DOP1B: variants seen among roughly 807,000 people sequenced by gnomAD.
DOP1B encodes the protein protein DOP1B.
In DOP1B, 174 loss-of-function variants were observed where a neutral mutation model predicts 233.5. That is an observed-to-expected ratio of 0.75 (90% CI 0.66 to 0.85). DOP1B has a LOEUF of 0.85. DOP1B is among the 40% of genes least tolerant of loss of function. DOP1B has a pLI of 0.00. For missense variants in DOP1B, 2,652 were observed against 2,846.6 expected, an observed-to-expected ratio of 0.93 and a Z score of 1.56; for synonymous variants, 1,190 against 1,185.6, an observed-to-expected ratio of 1.00 and a Z score of -0.08.
rs1569074075 is a variant in DOP1B at position 36,289,288 on chromosome 21, G to A, written c.6515+82G>A. ...TTAAGCACTTTCACTTGTTTTTCAT[G>A]TACAGTTTATGGGAAACCACCATCT... On this transcript the variant is annotated intron_variant, in intron 35 of 36. Coordinates refer to ENST00000691173, the MANE Select transcript of DOP1B (RefSeq NM_001320714.2). 4 of 1,441,082 alleles carry A rather than the reference G, an allele frequency of 2.8e-6. No homozygotes were observed. The South Asian group carries it at 4.9e-5, about 18-fold the overall frequency. 89.3% of individuals were successfully genotyped at this position (1,441,082 alleles called of 1,614,324 possible).
intron 2 of DOP1B, among the ~76,000 whole-genome samples, chr21:36,188,204 A>AT (rs2066187875): frequency 6.6e-6 from 1 of 152,172 alleles, no homozygotes; most frequent in Non-Finnish European, 1.5e-5. Context: ...CAACACAATG[A>AT]TATTTCAGCT....
Position 36,246,150 on chromosome 21 carries a change from C to G in DOP1B, c.4170C>G (p.Ser1390=), listed in dbSNP as rs138930979. ...RCKVQEFVLL[S]LSASMYTSQK... Reference sequence around the variant, plus strand: ...AAGTTCAGGAGTTTGTCCTGCTCTCCCTGTCGGCGTCCATGTACACGAGCC... The same window carrying G: ...AAGTTCAGGAGTTTGTCCTGCTCTCGCTGTCGGCGTCCATGTACACGAGCC... Residue 1390 remains serine (S), a synonymous_variant, in exon 19 of 37, where the codon TCC becomes TCG. Transcript: ENST00000691173. The surrounding 1 kb of genome is among the most constrained non-coding windows in gnomAD (Gnocchi z 5.1). 296 of 1,613,780 alleles carry G rather than the reference C, an allele frequency of 1.8e-4. No homozygotes were observed. The highest frequency in any genetic ancestry group is 1.7e-4 in the Non-Finnish European group (200 of 1,180,048).
Position 36,253,761 on chromosome 21 carries a change from T to C in DOP1B, c.5122-11T>C, listed in dbSNP as rs781289677. 6.2e-6 allele frequency: 10 copies of C among 1,609,534 alleles called. No individual in the cohort carries two copies. The African/African-American group carries it at 8.0e-5, about 13-fold the overall frequency. On this transcript the variant is annotated splice_polypyrimidine_tract_variant and intron_variant, in intron 22 of 36. Transcript: ENST00000691173. ...TATAAGCTTTCAAGGAACTTTTTTT[T>C]TTCTTGGCAGATTATCCCAACGGCA...
chr21:36,229,074 T>C (rs2066727432), intron 13 of DOP1B, among the ~76,000 whole-genome samples: 1 of 152,240 alleles, frequency 6.6e-6, no homozygotes. Context: ...AATAACTATG[T>C]AACTACAGTT....
At chr21:36,212,938 C>G (rs374380103) in intron 7 of DOP1B, among the ~76,000 whole-genome samples, 6 of 152,154 alleles carry the variant, frequency 3.9e-5, no homozygotes, top group African/African-American at 1.4e-4. Context: ...CCCACCACCC[C>G]GGCTGGGTAA....
At chr21:36,176,469 C>T (rs996337990) in intron 2 of DOP1B, among the ~76,000 whole-genome samples, 4 of 152,104 alleles carry the variant, frequency 2.6e-5, no homozygotes, top group African/African-American at 9.7e-5. Context: ...TGTAGGGCAT[C>T]CTCTGTTAGA....
intron 2 of DOP1B, among the ~76,000 whole-genome samples, chr21:36,171,327 C>A (rs1229105984): frequency 6.6e-6 from 1 of 152,194 alleles, no homozygotes; most frequent in Non-Finnish European, 1.5e-5. Context: ...TGAAGGCTAA[C>A]CTACTTGCCC....
At position 36,236,028 on chromosome 21, in the gene DOP1B, G is replaced by T. The variant is rs536233529; in HGVS notation, c.2623-1234G>T. ...CTATGCAGAGAAAGACGGTTTTGTT[G>T]AGTAGAAATAAATGGGCCAAAGAAG... is the stretch of plus-strand genomic sequence containing the variant. On this transcript the variant is annotated intron_variant, in intron 15 of 36. Transcript: ENST00000691173. Among the ~76,000 whole-genome samples the T allele has an allele frequency of 2.0e-5, 3 of 152,300 alleles. No homozygotes were observed. In the South Asian group the frequency reaches 6.2e-4, roughly 32 times the overall value.
intron 13 of DOP1B, 106 bp from the exon 14 acceptor site, chr21:36,230,344 G>C (rs2066745240): frequency 4.6e-6 from 6 of 1,310,992 alleles, no homozygotes; most frequent in Non-Finnish European, 6.2e-6. Flanking sequence ...AGTCTGGAGA[G>C]TGATGATTTT....
At chr21:36,259,040 A>G (rs1227945286) in intron 23 of DOP1B, among the ~76,000 whole-genome samples, 1 of 138,138 alleles carries the variant, frequency 7.2e-6, no homozygotes, top group African/African-American at 2.8e-5. Context: ...ATCTCGGCTC[A>G]CTGCAAGCTC....
chr21:36,229,456 C>T (rs969110346), intron 13 of DOP1B, among the ~76,000 whole-genome samples: 1 of 152,108 alleles, frequency 6.6e-6, no homozygotes, highest in South Asian at 2.1e-4. Context: ...GCATGTCTGT[C>T]TCTGTGTCCA....
rs778905340 is a variant in DOP1B, at chr21:36,278,115, C to T, written c.5822+31C>T. 9 of 1,612,450 alleles carry T rather than the reference C, an allele frequency of 5.6e-6. No homozygotes were observed. The South Asian group carries it at 9.9e-5, about 18-fold the overall frequency. On this transcript the variant is annotated intron_variant, in intron 29 of 36. Coordinates refer to ENST00000691173, the MANE Select transcript of DOP1B (RefSeq NM_001320714.2). ...GTCATCTTCGCCATTTCTTCCCACC[C>T]ATATGCAGAAAAATATGTTTTCACA... is the stretch of plus-strand genomic sequence containing the variant.
intron 18 of DOP1B, among the ~76,000 whole-genome samples, chr21:36,243,322 G>T (rs1218743721): frequency 1.3e-5 from 2 of 150,484 alleles, no homozygotes; most frequent in Non-Finnish European, 3.0e-5. Flanking sequence ...AAAATGTTTG[G>T]CAATATCAAA....
chr21:36,176,542 C>T (rs1249418134), intron 2 of DOP1B, among the ~76,000 whole-genome samples: 6 of 152,116 alleles, frequency 3.9e-5, no homozygotes, highest in African/African-American at 1.2e-4. Flanking sequence ...GTTCTGATGA[C>T]CTCTGTGGCT....
chr21:36,208,464 C>T (rs1209862705), intron 4 of DOP1B, among the ~76,000 whole-genome samples: 1 of 152,220 alleles, frequency 6.6e-6, no homozygotes, highest in East Asian at 1.9e-4. Context: ...TGCTTAGCCA[C>T]TTTCCATTGG....
chr21:36,223,456 G>A, intron 11 of DOP1B, 106 bp downstream of exon 11: 1 of 1,416,226 alleles, frequency 7.1e-7, no homozygotes, highest in Non-Finnish European at 9.4e-7. Flanking sequence ...CTGAAGCTGA[G>A]TAGTCTTTCC....
chr21:36,205,675 A>G (rs1042107269), intron 4 of DOP1B, among the ~76,000 whole-genome samples: 2 of 150,096 alleles, frequency 1.3e-5, no homozygotes, highest in Non-Finnish European at 3.0e-5. Context: ...GGTGTCAGCC[A>G]CTGTGCCTGG....
chr21:36,214,076 T>C lies in DOP1B; in HGVS notation c.905-5T>C, dbSNP rs1338353651. On this transcript the variant is annotated splice_polypyrimidine_tract_variant and splice_region_variant and intron_variant, in intron 7 of 36. Coordinates refer to ENST00000691173, the MANE Select transcript of DOP1B (RefSeq NM_001320714.2). ...CTTTACAGCTCGGCGCTTGTTCTTT[T>C]GTAGGCTCAGACATAAAAGGAAATA... 1.9e-6 allele frequency: 3 copies of C among 1,609,772 alleles called. No homozygotes were observed. Among genetic ancestry groups the C allele is most frequent in the African/African-American group, 1.3e-5 (1 of 74,782 alleles).
At chr21:36,181,633 A>C (rs969122908) in intron 2 of DOP1B, among the ~76,000 whole-genome samples, 1 of 152,134 alleles carries the variant, frequency 6.6e-6, no homozygotes, top group Admixed American at 6.5e-5. Flanking sequence ...TTTCATTGCC[A>C]TTCTGTCCCA....
Sources: allele counts gnomAD v4.1 joint callset (sites outside exome capture counted in the v4.1 genomes callset), GRCh38; gene constraint gnomAD v4.1.1; non-coding constraint Gnocchi (gnomAD v3.1); transcripts MANE v1.5; gene names NCBI Gene and HGNC (gene_info 2026-07-23, HGNC 2026-07-21).